Variants in LARGE1 observed in about 807,000 individuals in gnomAD.
The protein encoded by LARGE1 is LARGE xylosyl- and glucuronyltransferase 1.
In LARGE1, 43 loss-of-function variants were observed where a neutral mutation model predicts 87.6. The observed-to-expected ratio is 0.49, with a 90% confidence interval of 0.38 to 0.63. LARGE1 has a LOEUF of 0.63. LARGE1 is among the 30% of genes least tolerant of loss of function. The pLI, the probability that LARGE1 is intolerant of heterozygous loss-of-function variation, is 0.00. For missense variants in LARGE1, 802 were observed against 1,000.2 expected, an observed-to-expected ratio of 0.80 and a Z score of 2.67; for synonymous variants, 434 against 394.6, an observed-to-expected ratio of 1.10 and a Z score of -1.18.
chr22:33,713,008 C>T (rs2082783625), intron 2 of LARGE1, among the ~76,000 whole-genome samples: 1 of 152,108 alleles, frequency 6.6e-6, no homozygotes, highest in South Asian at 2.1e-4. Context: ...TGAAAAATTG[C>T]CCCTTTATGG....
intron 7 of LARGE1, among the ~76,000 whole-genome samples, chr22:33,404,112 C>G (rs1010294290): frequency 2.6e-5 from 4 of 152,118 alleles, no homozygotes; most frequent in Admixed American, 6.5e-5. Context: ...ATGATAAGAA[C>G]AAAGCAGGGA....
chr22:33,302,330 C>T (rs77662799), intron 12 of LARGE1, among the ~76,000 whole-genome samples: 3,068 of 152,234 alleles, frequency 0.02, 96 homozygotes, highest in African/African-American at 0.071. Flanking sequence ...GTGCTGGGTA[C>T]CACAGCACCT....
At chr22:33,161,755 C>A (rs181010057), downstream of LARGE1, among the ~76,000 whole-genome samples, 3 of 152,294 alleles carry the variant, frequency 2.0e-5, no homozygotes, top group Admixed American at 1.3e-4. Flanking sequence ...CATAATACAG[C>A]CCCCCTCCCA....
chr22:33,738,728 C>T (rs947201936), intron 2 of LARGE1, among the ~76,000 whole-genome samples: 6 of 151,890 alleles, frequency 4.0e-5, no homozygotes, highest in Non-Finnish European at 8.8e-5. Context: ...GCCTGTAGTC[C>T]CAGCTACTTG....
At chr22:33,582,065 G>A (rs560653597) in intron 5 of LARGE1, among the ~76,000 whole-genome samples, 8 of 152,130 alleles carry the variant, frequency 5.3e-5, no homozygotes, top group Non-Finnish European at 7.3e-5. Context: ...CTAATATGAA[G>A]GGCAATTTTG....
chr22:33,529,959 C>G (rs2072113268), intron 6 of LARGE1, among the ~76,000 whole-genome samples: 1 of 152,196 alleles, frequency 6.6e-6, no homozygotes, highest in Admixed American at 6.5e-5. Flanking sequence ...AAAGGTGGGC[C>G]TCTTCCTATC....
In LARGE1 at chr22:33,798,871, C is replaced by T. The variant is rs141450538; in HGVS notation, c.-82-37313G>A. 2.7e-3 allele frequency among the ~76,000 whole-genome samples: 413 copies of T among 152,262 alleles called. 4 individuals are homozygous for T. Among genetic ancestry groups the T allele is most frequent in the African/African-American group, 5.5e-3 (230 of 41,540 alleles). Reference sequence around the variant, plus strand: ...TTCCGTGCTGCTCTAAAATGGAGCACGAGCACATACATCCTACAGCAAAAC... The same window carrying T: ...TTCCGTGCTGCTCTAAAATGGAGCATGAGCACATACATCCTACAGCAAAAC... On this transcript the variant is annotated intron_variant, in intron 1 of 14. Transcript: ENST00000397394.
intron 2 of LARGE1, among the ~76,000 whole-genome samples, chr22:33,683,899 G>A: frequency 6.6e-6 from 1 of 152,116 alleles, no homozygotes; most frequent in East Asian, 1.9e-4. Context: ...GGAGCTGGGG[G>A]TTTACTGTAG....
chr22:33,090,926 C>T, the LARGE1 span, among the ~76,000 whole-genome samples: 1 of 152,118 alleles, frequency 6.6e-6, no homozygotes, highest in Non-Finnish European at 1.5e-5. Context: ...CCAAGGCAGC[C>T]CTCTTTCCAG....
intron 6 of LARGE1, among the ~76,000 whole-genome samples, chr22:33,447,367 T>C (rs1176337751): frequency 6.6e-6 from 1 of 152,154 alleles, no homozygotes; most frequent in African/African-American, 2.4e-5. Flanking sequence ...ACACAAATCA[T>C]GGTCAGCAAC....
chr22:33,269,859 G>T (rs1928151700), downstream of LARGE1, among the ~76,000 whole-genome samples: 1 of 152,008 alleles, frequency 6.6e-6, no homozygotes, highest in Non-Finnish European at 1.5e-5. Flanking sequence ...CAAAAAATTA[G>T]GTGGGCGTGG....
chr22:33,680,836 T>C (rs1279222942), intron 2 of LARGE1, among the ~76,000 whole-genome samples: 1 of 151,998 alleles, frequency 6.6e-6, no homozygotes, highest in Non-Finnish European at 1.5e-5. Context: ...AAAGATTATG[T>C]TGTGGGAAAT....
intron 2 of LARGE1, among the ~76,000 whole-genome samples, chr22:33,664,372 G>A (rs1031284512): frequency 1.3e-5 from 2 of 152,126 alleles, no homozygotes; most frequent in Non-Finnish European, 2.9e-5. Flanking sequence ...CTTCCCTCAT[G>A]TCCCACATGT....
intron 1 of LARGE1, among the ~76,000 whole-genome samples, chr22:33,878,694 G>A (rs541877492): frequency 4.6e-5 from 7 of 152,218 alleles, no homozygotes; most frequent in African/African-American, 1.4e-4. Flanking sequence ...TCTTCCTGGT[G>A]CTCAACACTC....
chr22:33,262,849 TTTC>T (rs1041551421), intron 11 of LARGE1, among the ~76,000 whole-genome samples: 1 of 149,162 alleles, frequency 6.7e-6, no homozygotes, highest in African/African-American at 2.5e-5. Flanking sequence ...CCCTCCCTCC[TTTC>T]TTTTTCTTTC....
At chr22:33,882,035 G>C (rs199976648) in intron 1 of LARGE1, among the ~76,000 whole-genome samples, 1 of 144,228 alleles carries the variant, frequency 6.9e-6, no homozygotes, top group Non-Finnish European at 1.5e-5. Context: ...TTTTGTTTTT[G>C]TTTTTTTTTG....
chr22:33,662,292 C>T (rs551843250), intron 2 of LARGE1, among the ~76,000 whole-genome samples: 19 of 152,172 alleles, frequency 1.2e-4, no homozygotes, highest in Admixed American at 5.2e-4. Context: ...AGTTCTCTTC[C>T]CTTATACTGC....
At chr22:33,409,819 C>G (rs983607097) in intron 7 of LARGE1, among the ~76,000 whole-genome samples, 1 of 150,066 alleles carries the variant, frequency 6.7e-6, no homozygotes, top group Non-Finnish European at 1.5e-5. Context: ...CAAGATCATG[C>G]CACTGCACTC....
chr22:33,294,417 T>A (rs1372601974), intron 12 of LARGE1, among the ~76,000 whole-genome samples: 1 of 152,146 alleles, frequency 6.6e-6, no homozygotes, highest in Non-Finnish European at 1.5e-5. Context: ...GTGGTTCTCA[T>A]ACAAGTTCCC....
Sources: gnomAD v4.1 joint callset for allele counts (sites outside exome capture counted in the v4.1 genomes callset) on GRCh38, gnomAD v4.1.1 for gene constraint, MANE v1.5 for transcripts, NCBI Gene and HGNC (gene_info 2026-07-23, HGNC 2026-07-21) for gene names.